Variants in CARS1 observed in about 807,000 individuals in gnomAD.
CARS1 encodes cysteine--tRNA ligase, cytoplasmic.
In CARS1, 48 loss-of-function variants were observed where a neutral mutation model predicts 106.2. That is an observed-to-expected ratio of 0.45 (90% CI 0.36 to 0.57). The LOEUF (loss-of-function observed/expected upper bound fraction) is 0.57, where lower values mean the gene tolerates loss of function less well. Ranked by LOEUF, CARS1 falls within the 20% of genes least tolerant of loss-of-function variation. The pLI, the probability that CARS1 is intolerant of heterozygous loss-of-function variation, is 0.00. For synonymous variants in CARS1, 409 were observed against 403.4 expected (o/e 1.01, Z -0.17); for missense variants, 968 against 1,057.2 (o/e 0.92, Z 1.17).
rs1376025638 is a variant in CARS1 at position 3,041,594 on chromosome 11, CT to C, written c.366+570del. Among the ~76,000 whole-genome samples, 5 of 152,170 alleles carry C rather than the reference CT, an allele frequency of 3.3e-5. No individual in the cohort carries two copies. The highest frequency in any genetic ancestry group is 1.2e-4 in the African/African-American group (5 of 41,456). On this transcript the variant is annotated intron_variant, in intron 3 of 22. Coordinates refer to ENST00000380525, the MANE Select transcript of CARS1 (RefSeq NM_001014437.3). The surrounding 1 kb of genome is among the most constrained non-coding windows in gnomAD (Gnocchi z 4.9). The stretch of plus-strand genomic sequence containing the variant: ...GCCATGAACTCCCTCACACCTGACT[CT>C]CTGTCTGCCAAACATGCTCCCTGAT...
Position 3,028,029 on chromosome 11 carries a change from A to T in CARS1, c.1031+967T>A. On this transcript the variant is annotated intron_variant, in intron 9 of 22. Coordinates refer to ENST00000380525, the MANE Select transcript of CARS1 (RefSeq NM_001014437.3). This position sits in a 1 kb window ranked among gnomAD's most constrained non-coding sequence, Gnocchi z 4.4. ...GCGGTCACGCTCCTAGTCCTCCTTC[A>T]TGTTCCATCCTGTACACCTGGCTCT... 1 of 339,262 alleles carries T rather than the reference A, an allele frequency of 2.9e-6. No individual in the cohort carries two copies. The allele number at this position is 339,262 out of a possible 1,614,324, so 21.0% of individuals were successfully genotyped here.
At position 3,015,736 on chromosome 11, in the gene CARS1, G is replaced by A. The variant is rs372168614; in HGVS notation, c.1986+45C>T. On this transcript the variant is annotated intron_variant, in intron 17 of 22. Transcript: ENST00000380525. ...AGAGGGACACAGAGGGGTAGGGAGT[G>A]GGGAGGGAGCAGGTGCAGAAGGCAG... is the stretch of plus-strand genomic sequence containing the variant. The A allele has an allele frequency of 1.0e-5, 16 of 1,535,806 alleles. No homozygotes were observed. The Middle Eastern group carries it at 6.7e-4, about 65-fold the overall frequency.
In CARS1 at chr11:3,037,608, T is replaced by C. The variant is rs1853836596; in HGVS notation, c.801+442A>G. ...GAGATATTGGCAGGGGCAGGAGAGCTGGTCAACGTGAAGGCCCCAAGCTCA... is the reference window on the plus strand; with the variant it reads ...GAGATATTGGCAGGGGCAGGAGAGCCGGTCAACGTGAAGGCCCCAAGCTCA... On this transcript the variant is annotated intron_variant, in intron 7 of 22. Transcript: ENST00000380525. This position sits in a 1 kb window ranked among gnomAD's most constrained non-coding sequence, Gnocchi z 5.9. 2.0e-5 allele frequency among the ~76,000 whole-genome samples: 3 copies of C among 152,122 alleles called. No homozygotes were observed. The highest frequency in any genetic ancestry group is 7.2e-5 in the African/African-American group (3 of 41,410).
rs545927611 is a variant in CARS1, at chr11:3,022,419, C to A, written c.1154-2087G>T. ...TCACCTGTCCAGAGCAATTAAAAAC[C>A]CCTCCCCAAATCTCAGGGAGGCGGA... On this transcript the variant is annotated intron_variant, in intron 10 of 22. Coordinates refer to ENST00000380525, the MANE Select transcript of CARS1 (RefSeq NM_001014437.3). The surrounding 1 kb of genome is among the most constrained non-coding windows in gnomAD (Gnocchi z 4.9). Among the ~76,000 whole-genome samples, 70 of 152,244 alleles carry A rather than the reference C, an allele frequency of 4.6e-4. No homozygotes were observed. The highest frequency in any genetic ancestry group is 3.4e-3 in the Middle Eastern group (1 of 294).
intron 7 of CARS1, among the ~76,000 whole-genome samples, chr11:3,035,382 TTGAC>T (rs1212746676): frequency 6.6e-6 from 1 of 152,162 alleles, no homozygotes; most frequent in Non-Finnish European, 1.5e-5. Flanking sequence ...TTCACATTCA[TTGAC>T]TGATGAAAGG....
At position 3,050,591 on chromosome 11, in the gene CARS1, A is replaced by G. The variant is rs1300103902; in HGVS notation, c.26-2590T>C. The stretch of plus-strand genomic sequence containing the variant: ...CTCCAGCGGCCCTGCTGAAAAGCGC[A>G]CGTTCACATTACTGCCCCCAACACC... On this transcript the variant is annotated intron_variant, in intron 1 of 22. Transcript: ENST00000380525. The surrounding 1 kb of genome is among the most constrained non-coding windows in gnomAD (Gnocchi z 6.3). 6.6e-6 allele frequency among the ~76,000 whole-genome samples: 1 copy of G among 152,022 alleles called. No homozygotes were observed. Among genetic ancestry groups the G allele is most frequent in the Non-Finnish European group, 1.5e-5 (1 of 67,998 alleles).
Position 3,026,758 on chromosome 11 carries a change from C to A in CARS1, c.1071G>T (p.Lys357Asn). 6.2e-7 allele frequency: 1 copy of A among 1,613,896 alleles called. No individual in the cohort carries two copies. The highest frequency in any genetic ancestry group is 8.5e-7 in the Non-Finnish European group (1 of 1,179,916). ...AGGAGTGCTTCTCGCTAGAAGCAAA[C>A]TTCGCTGTATCAAAGTAGACAGACC... ...SNGSVYFDTA[K>N]FASSEKHSYG... is the part of the protein sequence containing the mutation. The change falls in exon 10 of 23, where the codon AAG becomes AAT. Residue 357 changes from lysine (K) to asparagine (N), a missense_variant. Lys to Asn is a moderately conservative substitution (Grantham distance 94). Coordinates refer to ENST00000380525, the MANE Select transcript of CARS1 (RefSeq NM_001014437.3).
intron 18 of CARS1, among the ~76,000 whole-genome samples, chr11:3,010,386 G>A (rs1349506983): frequency 3.3e-5 from 5 of 152,234 alleles, no homozygotes; most frequent in African/African-American, 4.8e-5. Context: ...CCAAGCCCAC[G>A]ACCCCAGCGA....
rs774594526 is a variant in CARS1 at position 3,015,861 on chromosome 11, A to C, written c.1918-12T>G. On this transcript the variant is annotated splice_polypyrimidine_tract_variant and intron_variant, in intron 16 of 22. Transcript: ENST00000380525. ...ACGGCCCCAAAGATCTAGGAAAAGA[A>C]ACAGATGGGACCTGAAGCTGCGGCA... 17 of 1,612,290 alleles carry C rather than the reference A, an allele frequency of 1.1e-5. No homozygotes were observed. The highest frequency in any genetic ancestry group is 1.3e-5 in the African/African-American group (1 of 74,902).
rs773680618 is a variant in CARS1 at position 3,012,285 on chromosome 11, A to G, written c.1987-9T>C. On this transcript the variant is annotated splice_polypyrimidine_tract_variant and intron_variant, in intron 17 of 22. Coordinates refer to ENST00000380525, the MANE Select transcript of CARS1 (RefSeq NM_001014437.3). ...ATGACTGTGGCCTCGAGCTGCGGAAAGAACAGTTTTGGTTCACTGAGAGCT... is the reference window on the plus strand; with the variant it reads ...ATGACTGTGGCCTCGAGCTGCGGAAGGAACAGTTTTGGTTCACTGAGAGCT... 27 of 1,613,880 alleles carry G rather than the reference A, an allele frequency of 1.7e-5. 1 individual carries two copies. In the South Asian group the frequency reaches 3.0e-4, roughly 18 times the overall value.
rs1221945298 is a variant in CARS1 at position 3,003,790 on chromosome 11, G to C, written c.2218-1190C>G. 6.6e-6 allele frequency among the ~76,000 whole-genome samples: 1 copy of C among 152,198 alleles called. No individual in the cohort carries two copies. Among genetic ancestry groups the C allele is most frequent in the African/African-American group, 2.4e-5 (1 of 41,430 alleles). On this transcript the variant is annotated intron_variant, in intron 20 of 22. Coordinates refer to ENST00000380525, the MANE Select transcript of CARS1 (RefSeq NM_001014437.3). The surrounding 1 kb of genome is among the most constrained non-coding windows in gnomAD (Gnocchi z 4.8). ...AAAAGTTAGTATGTGTTTATGTGCT[G>C]GTGGGAATGGTACAGGGAGAGGCAG...
In CARS1 at chr11:3,006,744, C is replaced by A. The variant is rs568946989; in HGVS notation, c.2149+135G>T. On this transcript the variant is annotated intron_variant, in intron 19 of 22. Coordinates refer to ENST00000380525, the MANE Select transcript of CARS1 (RefSeq NM_001014437.3). ...CCAGCGTGGGAATGGCGCCGGGGGA[C>A]CCATGGGGCTGCCACTTTGGGATTC... 557 of 776,782 alleles carry A rather than the reference C, an allele frequency of 7.2e-4. 4 individuals are homozygous for A. Among genetic ancestry groups the A allele is most frequent in the Admixed American group, 5.0e-4 (27 of 54,246 alleles). The allele number at this position is 776,782 out of a possible 1,614,324, so 48.1% of individuals were successfully genotyped here. A position where few individuals can be genotyped will look rare whatever the true frequency, so the allele number is the denominator to read the frequency against.
rs531117443 is a variant in CARS1 at position 3,037,278 on chromosome 11, G to A, written c.801+772C>T. ...CGATCTGCTGAGTCAGGACACAGAAGAGACCAAACTAGAAAGAAACATGCT... is the reference window on the plus strand; with the variant it reads ...CGATCTGCTGAGTCAGGACACAGAAAAGACCAAACTAGAAAGAAACATGCT... On this transcript the variant is annotated intron_variant, in intron 7 of 22. Coordinates refer to ENST00000380525, the MANE Select transcript of CARS1 (RefSeq NM_001014437.3). This position sits in a 1 kb window ranked among gnomAD's most constrained non-coding sequence, Gnocchi z 5.9. Among the ~76,000 whole-genome samples, 1 of 152,374 alleles carries A rather than the reference G, an allele frequency of 6.6e-6. No individual in the cohort carries two copies. Among genetic ancestry groups the A allele is most frequent in the South Asian group, 2.1e-4 (1 of 4,834 alleles).
Position 3,052,912 on chromosome 11 carries a change from C to T in CARS1, c.25+4431G>A, listed in dbSNP as rs958901637. Among the ~76,000 whole-genome samples, 2 of 152,186 alleles carry T rather than the reference C, an allele frequency of 1.3e-5. No individual in the cohort carries two copies. Among genetic ancestry groups the T allele is most frequent in the Non-Finnish European group, 2.9e-5 (2 of 68,032 alleles). On this transcript the variant is annotated intron_variant, in intron 1 of 22. Transcript: ENST00000380525. The surrounding 1 kb of genome is among the most constrained non-coding windows in gnomAD (Gnocchi z 4.6). ...ATCGTAGAGCCTGCACGCTCCGTGC[C>T]GAAACTCCTGCTCTGCCCCCATGAG...
chr11:3,037,730 A>G lies in CARS1; in HGVS notation c.801+320T>C, dbSNP rs1405995950. Among the ~76,000 whole-genome samples the G allele has an allele frequency of 6.6e-6, 1 of 152,134 alleles. No homozygotes were observed. Among genetic ancestry groups the G allele is most frequent in the South Asian group, 2.1e-4 (1 of 4,824 alleles). ...AGAGTCCGCTGGAGAATCTTGGAAC[A>G]CTTCGACAGAAGGCTGCCTCCCCAC... On this transcript the variant is annotated intron_variant, in intron 7 of 22. Transcript: ENST00000380525. The surrounding 1 kb of genome is among the most constrained non-coding windows in gnomAD (Gnocchi z 5.9).
chr11:3,046,522 G>T lies in CARS1; in HGVS notation c.274+1231C>A, dbSNP rs1855099485. Among the ~76,000 whole-genome samples, 1 of 152,236 alleles carries T rather than the reference G, an allele frequency of 6.6e-6. No homozygotes were observed. Among genetic ancestry groups the T allele is most frequent in the Non-Finnish European group, 1.5e-5 (1 of 68,042 alleles). On this transcript the variant is annotated intron_variant, in intron 2 of 22. Transcript: ENST00000380525. The surrounding 1 kb of genome is among the most constrained non-coding windows in gnomAD (Gnocchi z 5.8). ...GCCTCTGCCCTACGCTGGGGAAGGA[G>T]TGTCTGCTGCAGAGTTATCCAGAAA...
At chr11:3,018,274 G>A (rs1851239442) in intron 14 of CARS1, 134 bp downstream of exon 14, 1 of 653,330 alleles carries the variant, frequency 1.5e-6, no homozygotes. Flanking sequence ...CCACTAGCAT[G>A]GAGGTGCTTC....
chr11:3,029,640 G>C lies in CARS1; in HGVS notation c.802-197C>G. ...GGACAAATACAAGACTCTACAAATG[G>C]GCAGGTCTCACATGAACTCAGAGGA... On this transcript the variant is annotated intron_variant, in intron 7 of 22. Transcript: ENST00000380525. This position sits in a 1 kb window ranked among gnomAD's most constrained non-coding sequence, Gnocchi z 5.9. The C allele has an allele frequency of 1.7e-6, 1 of 582,510 alleles. No individual in the cohort carries two copies. Among genetic ancestry groups the C allele is most frequent in the Non-Finnish European group, 3.0e-6 (1 of 334,440 alleles). The allele number at this position is 582,510 out of a possible 1,614,324, so 36.1% of individuals were successfully genotyped here. A position where few individuals can be genotyped will look rare whatever the true frequency, so the allele number is the denominator to read the frequency against.
chr11:3,045,295 C>T lies in CARS1; in HGVS notation c.274+2458G>A, dbSNP rs545006465. ...AACCCCCCACCCCGAGACGGAGTCT[C>T]GCTCTGTCACCTAGGCTGGAGTACA... On this transcript the variant is annotated intron_variant, in intron 2 of 22. Transcript: ENST00000380525. The surrounding 1 kb of genome is among the most constrained non-coding windows in gnomAD (Gnocchi z 5.6). Among the ~76,000 whole-genome samples, 32 of 152,204 alleles carry T rather than the reference C, an allele frequency of 2.1e-4. No homozygotes were observed. The South Asian group carries it at 5.0e-3, about 24-fold the overall frequency.
Sources: gnomAD v4.1 joint callset for allele counts (sites outside exome capture counted in the v4.1 genomes callset) on GRCh38, gnomAD v4.1.1 for gene constraint, Gnocchi (gnomAD v3.1) non-coding constraint, MANE v1.5 for transcripts, NCBI Gene and HGNC (gene_info 2026-07-23, HGNC 2026-07-21) for gene names.